CCDC62: variants seen among roughly 807,000 people sequenced by gnomAD.
The protein encoded by CCDC62 is coiled-coil domain-containing protein 62.
CCDC62 carries 72 observed loss-of-function variants against 80.8 expected under a neutral mutation model. The ratio of observed to expected loss-of-function variants is 0.89; its 90% CI spans 0.74 to 1.08. The LOEUF (loss-of-function observed/expected upper bound fraction) is 1.08, where lower values mean the gene tolerates loss of function less well. Ranked by LOEUF, CCDC62 falls within the 50% of genes least tolerant of loss-of-function variation. CCDC62 has a pLI of 0.00. For synonymous variants in CCDC62, 286 were observed against 296.5 expected, an observed-to-expected ratio of 0.96 and a Z score of 0.36; for missense variants, 704 against 809.4, an observed-to-expected ratio of 0.87 and a Z score of 1.58.
At chr12:122,775,483 ATAAAT>A (rs1185136685) in intron 1 of CCDC62, among the ~76,000 whole-genome samples, 1 of 152,222 alleles carries the variant, frequency 6.6e-6, no homozygotes, top group Admixed American at 6.5e-5. Flanking sequence ...CTGGCGCTCA[ATAAAT>A]TATTTGTTGA....
At position 122,801,131 on chromosome 12, in the gene CCDC62, A is replaced by G. The variant is rs375704989; in HGVS notation, c.985A>G (p.Met329Val). 16 of 1,609,026 alleles carry G rather than the reference A, an allele frequency of 9.9e-6. No individual in the cohort carries two copies. The highest frequency in any genetic ancestry group is 6.8e-5 in the Admixed American group (4 of 58,576). ...ESKALDSSRD[M>V]CLSDLENNHP... ...TTTCTAATGCCACCATAGCAGAGACATGTGTTTATCAGACCTTGAAAATAA... is the reference window on the plus strand; with the variant it reads ...TTTCTAATGCCACCATAGCAGAGACGTGTGTTTATCAGACCTTGAAAATAA... The change falls in exon 9 of 13, where the codon ATG becomes GTG. Residue 329 changes from methionine (M) to valine (V), a missense_variant. By Grantham distance (21) the Met-to-Val change is conservative (BLOSUM62 1). Transcript: ENST00000253079.
At chr12:122,800,706 C>T (rs981203242) in intron 8 of CCDC62, among the ~76,000 whole-genome samples, 4 of 152,230 alleles carry the variant, frequency 2.6e-5, no homozygotes, top group East Asian at 1.9e-4. Context: ...GGATTACAGG[C>T]GTGAGCCACT....
chr12:122,814,568 A>G (rs961685398), intron 11 of CCDC62, among the ~76,000 whole-genome samples: 6 of 138,482 alleles, frequency 4.3e-5, no homozygotes. Context: ...GTGCAATGGC[A>G]CGATCTCAGC....
At chr12:122,786,556 G>A (rs1299546838) in intron 4 of CCDC62, among the ~76,000 whole-genome samples, 2 of 152,174 alleles carry the variant, frequency 1.3e-5, no homozygotes, top group African/African-American at 4.8e-5. Context: ...ACATGTCATT[G>A]ACAATTGGTA....
rs1280781851 is a variant in CCDC62, at chr12:122,774,593, C to T, written c.-78C>T. Reference sequence around the variant, plus strand: ...CGGGGCTCCGGGCTCGCCCCCGCCGCTCGGGGCAGGCGCGCCGATGGCGTT... The same window carrying T: ...CGGGGCTCCGGGCTCGCCCCCGCCGTTCGGGGCAGGCGCGCCGATGGCGTT... On this transcript the variant is annotated 5_prime_UTR_variant, in exon 1 of 13. Coordinates refer to ENST00000253079, the MANE Select transcript of CCDC62 (RefSeq NM_201435.5). The T allele has an allele frequency of 3.2e-5, 36 of 1,133,794 alleles. No individual in the cohort carries two copies. Among genetic ancestry groups the T allele is most frequent in the Non-Finnish European group, 3.8e-5 (34 of 891,046 alleles). The allele number at this position is 1,133,794 out of a possible 1,614,324, so 70.2% of individuals were successfully genotyped here.
intron 2 of CCDC62, among the ~76,000 whole-genome samples, chr12:122,780,796 CAG>C (rs1010007144): frequency 2.6e-5 from 4 of 151,954 alleles, no homozygotes; most frequent in African/African-American, 9.7e-5. Context: ...AAAAAGCAAA[CAG>C]AAGAATTGTC....
intron 11 of CCDC62, among the ~76,000 whole-genome samples, chr12:122,818,596 T>G (rs2032268715): frequency 6.6e-6 from 1 of 151,884 alleles, no homozygotes. Flanking sequence ...TACTCCAGCT[T>G]GGGCCATAGA....
chr12:122,808,014 T>A (rs535057006), intron 10 of CCDC62, among the ~76,000 whole-genome samples: 1 of 152,242 alleles, frequency 6.6e-6, no homozygotes, highest in African/African-American at 2.4e-5. Flanking sequence ...TCTTTGTCAT[T>A]AAAAGTAATG....
intron 10 of CCDC62, among the ~76,000 whole-genome samples, chr12:122,806,654 T>C (rs1348462396): frequency 6.6e-6 from 1 of 151,768 alleles, no homozygotes; most frequent in African/African-American, 2.4e-5. Flanking sequence ...AATTTTCTCA[T>C]TTTTTTGTAG....
chr12:122,813,537 C>T (rs886076494), intron 11 of CCDC62, 118 bp downstream of exon 11: 4 of 910,096 alleles, frequency 4.4e-6, no homozygotes, highest in Non-Finnish European at 6.4e-6. Flanking sequence ...TTCTGTGTCT[C>T]TAGGGAGGAA....
intron 11 of CCDC62, among the ~76,000 whole-genome samples, chr12:122,814,386 A>G (rs1031540769): frequency 1.3e-4 from 19 of 150,900 alleles, no homozygotes; most frequent in Admixed American, 1.2e-3. Context: ...ACCACCATCG[A>G]TTTTATCTTA....
At chr12:122,782,456 A>C in intron 3 of CCDC62, among the ~76,000 whole-genome samples, 1 of 152,132 alleles carries the variant, frequency 6.6e-6, no homozygotes, top group Admixed American at 6.6e-5. Context: ...ATGTTTTCTA[A>C]ATTATTGTGT....
chr12:122,813,498 C>G, intron 11 of CCDC62, 79 bp downstream of exon 11: 1 of 1,363,982 alleles, frequency 7.3e-7, no homozygotes, highest in South Asian at 1.4e-5. Flanking sequence ...ATATCACCGG[C>G]AGGGCGGCCT....
chr12:122,775,561 C>T (rs928687984), intron 1 of CCDC62, among the ~76,000 whole-genome samples: 3 of 152,200 alleles, frequency 2.0e-5, no homozygotes, highest in African/African-American at 7.2e-5. Flanking sequence ...AATCCCTTGA[C>T]TCCAAATTCC....
chr12:122,809,851 C>G (rs2135574370), intron 10 of CCDC62, among the ~76,000 whole-genome samples: 1 of 152,200 alleles, frequency 6.6e-6, no homozygotes, highest in Admixed American at 6.5e-5. Context: ...ACAGAGCCCT[C>G]AGAAATAATA....
At position 122,806,150 on chromosome 12, in the gene CCDC62, G is replaced by A. The variant is rs779378812; in HGVS notation, c.1707-1G>A. On this transcript the variant is annotated splice_acceptor_variant, in intron 9 of 12. Coordinates refer to ENST00000253079, the MANE Select transcript of CCDC62 (RefSeq NM_201435.5). LOFTEE classifies it high-confidence loss of function. ...TTTTTGTTGGGTTTTCTTATTCTTA[G>A]TGAGCTAATTGCCATCCAAGATTCC... 20 of 1,609,340 alleles carry A rather than the reference G, an allele frequency of 1.2e-5. No individual in the cohort carries two copies. The highest frequency in any genetic ancestry group is 1.6e-5 in the Non-Finnish European group (19 of 1,177,924).
In CCDC62 at chr12:122,807,624, A is replaced by G. The variant is rs1593817994; in HGVS notation, c.1851+1329A>G. 3.3e-5 allele frequency among the ~76,000 whole-genome samples: 5 copies of G among 151,874 alleles called. No homozygotes were observed. The South Asian group carries it at 1.0e-3, about 32-fold the overall frequency. On this transcript the variant is annotated intron_variant, in intron 10 of 12. Transcript: ENST00000253079. ...AAATCTTCATCCCACTAATGGGATT[A>G]CAGGCACAAGGCACTGTACCTGGCC...
intron 11 of CCDC62, among the ~76,000 whole-genome samples, chr12:122,820,923 G>T (rs1215156641): frequency 6.6e-6 from 1 of 152,020 alleles, no homozygotes; most frequent in Non-Finnish European, 1.5e-5. Context: ...AAGCACAGAG[G>T]ACTGGAAGCA....
Position 122,780,956 on chromosome 12 carries a change from C to T in CCDC62, c.230-208C>T, listed in dbSNP as rs149063838. ...ACGCGGAAACTGGAGTGATTATGTTCGGGAAGTGACCTCCAGAGGCTTCCA... is the reference window on the plus strand; with the variant it reads ...ACGCGGAAACTGGAGTGATTATGTTTGGGAAGTGACCTCCAGAGGCTTCCA... On this transcript the variant is annotated intron_variant, in intron 2 of 12. Coordinates refer to ENST00000253079, the MANE Select transcript of CCDC62 (RefSeq NM_201435.5). Among the ~76,000 whole-genome samples, 534 of 152,242 alleles carry T rather than the reference C, an allele frequency of 3.5e-3. 2 individuals are homozygous for T. The highest frequency in any genetic ancestry group is 9.1e-3 in the African/African-American group (379 of 41,546).
Sources: allele counts gnomAD v4.1 joint callset (sites outside exome capture counted in the v4.1 genomes callset), GRCh38; gene constraint gnomAD v4.1.1; transcripts MANE v1.5; gene names NCBI Gene and HGNC (gene_info 2026-07-23, HGNC 2026-07-21).